WDR3: variants seen among roughly 807,000 people sequenced by gnomAD.
WDR3 encodes WD repeat-containing protein 3.
A neutral mutation model predicts 123.7 loss-of-function variants in WDR3; 81 were observed. The ratio of observed to expected loss-of-function variants is 0.65; its 90% CI spans 0.55 to 0.79. The LOEUF is 0.79. Among genes scored for constraint, WDR3 ranks in the 30% least tolerant of loss-of-function variants. WDR3 has a pLI of 0.00. For missense variants in WDR3, 1,027 were observed against 1,123.2 expected (o/e 0.91, Z 1.22); for synonymous variants, 390 against 388.8 (o/e 1.00, Z -0.04).
chr1:117,954,368 A>G (rs945043421), intron 22 of WDR3, among the ~76,000 whole-genome samples: 1 of 152,084 alleles, frequency 6.6e-6, no homozygotes, highest in Non-Finnish European at 1.5e-5. Context: ...CAGGGTAACC[A>G]TTTCAGATTT....
At position 117,949,757 on chromosome 1, in the gene WDR3, T is replaced by G. The variant is rs1425934162; in HGVS notation, c.1531T>G (p.Phe511Val). The change falls in exon 14 of 27, where the codon TTT becomes GTT. Residue 511 changes from phenylalanine (F) to valine (V), a missense_variant. By Grantham distance (50) the Phe-to-Val change is conservative. Coordinates refer to ENST00000349139, the MANE Select transcript of WDR3 (RefSeq NM_006784.3). ...AATTTCATTTGATTTTCAGCGTGGC[T>G]TTGTGACAGGTGGTGCAGATAAATC... ...SMSLSPDQRG[F>V]VTGGADKSVK... The G allele has an allele frequency of 1.2e-6, 2 of 1,613,288 alleles. No individual in the cohort carries two copies. Among genetic ancestry groups the G allele is most frequent in the Admixed American group, 1.7e-5 (1 of 59,820 alleles).
intron 13 of WDR3, 91 bp from the exon 14 acceptor site, chr1:117,949,660 A>G: frequency 7.1e-7 from 1 of 1,409,526 alleles, no homozygotes. Flanking sequence ...GACGTTAAAT[A>G]AAAATACTTT....
rs1456822590 is a variant in WDR3 at position 117,957,252 on chromosome 1, AC to A, written c.2582+58del. 3.2e-6 allele frequency: 5 copies of A among 1,548,696 alleles called. No homozygotes were observed. In the African/African-American group the frequency reaches 7.0e-5, roughly 22 times the overall value. On this transcript the variant is annotated intron_variant, in intron 25 of 26. Coordinates refer to ENST00000349139, the MANE Select transcript of WDR3 (RefSeq NM_006784.3). ...TGTTCAGCAGAACTGCTTCAGTAGTACCTTAACTGAAGCTGTCAACACTTTG... is the reference window on the plus strand; with the variant it reads ...TGTTCAGCAGAACTGCTTCAGTAGTACTTAACTGAAGCTGTCAACACTTTG...
rs753983825 is a variant in WDR3, at chr1:117,954,098, A to T, written c.2360A>T (p.Glu787Val). The T allele has an allele frequency of 2.4e-5, 38 of 1,610,866 alleles. No homozygotes were observed. The highest frequency in any genetic ancestry group is 3.0e-5 in the Non-Finnish European group (35 of 1,178,086). ...HKAICKAAGK[E>V]VPLPSNPILM... is the part of the protein sequence containing the mutation. ...GCCATTTGTAAAGCTGCAGGGAAAG[A>T]GGTAATAAGAGAGTACAGTAAGTTA... Residue 787 changes from glutamate to valine, a missense_variant and splice_region_variant, in exon 22 of 27, where the codon GAG becomes GTG. Transcript: ENST00000349139.
intron 10 of WDR3, 77 bp from the exon 11 acceptor site, chr1:117,943,319 A>G: frequency 8.0e-7 from 1 of 1,257,392 alleles, no homozygotes; most frequent in Admixed American, 2.1e-5. Context: ...AGGACATTGT[A>G]AAGCCTTTTC....
chr1:117,932,848 G>C lies in WDR3; in HGVS notation c.-32-440G>C, dbSNP rs540976480. Among the ~76,000 whole-genome samples the C allele has an allele frequency of 2.0e-5, 3 of 152,210 alleles. No homozygotes were observed. In the South Asian group the frequency reaches 6.2e-4, roughly 32 times the overall value. ...GTATTTTAGGTCAATGATTCATTTA[G>C]AGTAAATAAAGATTAAGAAGTCACA... On this transcript the variant is annotated intron_variant, in intron 1 of 26. Coordinates refer to ENST00000349139, the MANE Select transcript of WDR3 (RefSeq NM_006784.3).
At chr1:117,946,249 T>C (rs2101211097) in intron 12 of WDR3, 70 bp downstream of exon 12, 2 of 1,284,854 alleles carry the variant, frequency 1.6e-6, no homozygotes, top group Non-Finnish European at 2.2e-6. Flanking sequence ...AGAAATCTGG[T>C]TCTTCTTTTT....
chr1:117,958,814 T>C, intron 25 of WDR3, 96 bp from the exon 26 acceptor site: 1 of 831,462 alleles, frequency 1.2e-6, no homozygotes, highest in Non-Finnish European at 1.9e-6. Flanking sequence ...GTATATTTTG[T>C]TGTTGCTTTG....
chr1:117,947,212 T>A (rs1651441619), intron 12 of WDR3, among the ~76,000 whole-genome samples: 1 of 152,170 alleles, frequency 6.6e-6, no homozygotes, highest in Non-Finnish European at 1.5e-5. Context: ...GAATAGCTAA[T>A]CGATAATAGA....
chr1:117,956,901 A>G (rs1446484243), intron 24 of WDR3, among the ~76,000 whole-genome samples, 167 bp from the exon 25 acceptor site: 2 of 152,216 alleles, frequency 1.3e-5, no homozygotes, highest in Non-Finnish European at 1.5e-5. Flanking sequence ...TATTAAATAC[A>G]AAAAACAAAG....
chr1:117,949,465 G>A lies in WDR3; in HGVS notation c.1525-286G>A, dbSNP rs940008542. 7.2e-5 allele frequency among the ~76,000 whole-genome samples: 11 copies of A among 152,016 alleles called. 1 individual carries two copies. The highest frequency in any genetic ancestry group is 7.2e-4 in the Admixed American group (11 of 15,266). ...CATTCTATGTATATTTTTCAAACTG[G>A]TTTACTGAGAGTTTTTGTTTCTTCT... is the stretch of plus-strand genomic sequence containing the variant. On this transcript the variant is annotated intron_variant, in intron 13 of 26. Coordinates refer to ENST00000349139, the MANE Select transcript of WDR3 (RefSeq NM_006784.3).
chr1:117,942,688 T>G, intron 10 of WDR3, 144 bp downstream of exon 10: 1 of 701,752 alleles, frequency 1.4e-6, no homozygotes, highest in Non-Finnish European at 2.4e-6. Context: ...ACTCTGCTCC[T>G]GTTGTCCTAA....
At chr1:117,956,015 T>C (rs994432173) in intron 24 of WDR3, among the ~76,000 whole-genome samples, 4 of 152,204 alleles carry the variant, frequency 2.6e-5, no homozygotes, top group Non-Finnish European at 5.9e-5. Flanking sequence ...TTAGCAGGCT[T>C]TAAAAAATTT....
rs3059173 is a variant in WDR3 at position 117,960,109 on chromosome 1, C to CGTGTGTGTGTGTGTGTGTGTGT, written c.*679_*700dup. ...TGGGCTTCTGAGGAATTAATACACT[C>CGTGTGTGTGTGTGTGTGTGTGT]GTGTGTGTGTGTGTGTGTGTGTGTG... On this transcript the variant is annotated 3_prime_UTR_variant, in exon 27 of 27. Transcript: ENST00000349139. The CGTGTGTGTGTGTGTGTGTGTGT allele has an allele frequency of 6.9e-6, 1 of 144,402 alleles. No homozygotes were observed. Among genetic ancestry groups the CGTGTGTGTGTGTGTGTGTGTGT allele is most frequent in the Non-Finnish European group, 1.5e-5 (1 of 66,616 alleles). 8.9% of individuals were successfully genotyped at this position (144,402 alleles called of 1,614,324 possible). A position where few individuals can be genotyped will look rare whatever the true frequency, so the allele number is the denominator to read the frequency against.
intron 2 of WDR3, 47 bp downstream of exon 2, chr1:117,933,537 G>A: frequency 6.2e-7 from 1 of 1,609,236 alleles, no homozygotes; most frequent in Non-Finnish European, 8.5e-7. Context: ...GGTATTTGAG[G>A]ATGGAGAGGT....
chr1:117,955,361 G>A lies in WDR3; in HGVS notation c.2453+3G>A. On this transcript the variant is annotated splice_donor_region_variant and intron_variant, in intron 24 of 26. Transcript: ENST00000349139. ...ATTTTTAAAGGGATCAAGTCGAGGT[G>A]AGTGAGTCCTTGCGCACAATTTTTG... 6.2e-7 allele frequency: 1 copy of A among 1,612,040 alleles called. No homozygotes were observed. The highest frequency in any genetic ancestry group is 8.5e-7 in the Non-Finnish European group (1 of 1,178,744).
At chr1:117,939,382 A>G in intron 5 of WDR3, 95 bp from the exon 6 acceptor site, 1 of 1,294,950 alleles carries the variant, frequency 7.7e-7, no homozygotes, top group East Asian at 2.4e-5. Context: ...ATTGCTAGAC[A>G]TTTTACTACG....
chr1:117,945,384 T>C (rs1278240405), intron 11 of WDR3, among the ~76,000 whole-genome samples: 2 of 152,214 alleles, frequency 1.3e-5, no homozygotes, highest in Admixed American at 6.5e-5. Context: ...ATGGCTGTTG[T>C]GCTCCCTGTT....
At chr1:117,941,649 C>T (rs1651176941) in intron 8 of WDR3, 101 bp from the exon 9 acceptor site, 5 of 1,423,918 alleles carry the variant, frequency 3.5e-6, no homozygotes, top group African/African-American at 1.5e-5. Context: ...AATACAACTA[C>T]TAAGGGAAGA....
Sources: allele counts gnomAD v4.1 joint callset (sites outside exome capture counted in the v4.1 genomes callset), GRCh38; gene constraint gnomAD v4.1.1; transcripts MANE v1.5; gene names NCBI Gene and HGNC (gene_info 2026-07-23, HGNC 2026-07-21).